The following PRR22 variants were observed in gnomAD, a reference collection of about 807,000 sequenced individuals.
PRR22 encodes proline rich 22.
A neutral mutation model predicts 7.2 loss-of-function variants in PRR22; 5 were observed. The observed-to-expected ratio is 0.69, with a 90% CI of 0.36 to 1.45. The LOEUF is 1.45. PRR22 is among the 40% of genes most tolerant of loss of function. The probability of loss-of-function intolerance (pLI) is 0.03; values close to 1 mark genes in which losing one functional copy is unlikely to be tolerated. For synonymous variants in PRR22, 319 were observed against 269.3 expected (o/e 1.18, Z -1.81); for missense variants, 619 against 568.8 (o/e 1.09, Z -0.90).
chr19:5,784,509 G>A, intron 1 of PRR22, 22 bp downstream of exon 1: 1 of 1,550,044 alleles, frequency 6.5e-7, no homozygotes, highest in Admixed American at 2.0e-5. Flanking sequence ...TCCAGCAGGT[G>A]CTCCCACCCA....
chr19:5,783,057 C>T lies in PRR22; in HGVS notation c.1190G>A (p.Arg397Lys), dbSNP rs2056807913. Residue 397 changes from arginine to lysine, a missense_variant, in exon 3 of 3, where the codon AGG becomes AAG. Physicochemically the swap from Arg to Lys is conservative, Grantham distance 26 (BLOSUM62 2). Coordinates refer to ENST00000419421, the MANE Select transcript of PRR22 (RefSeq NM_001134316.2). ...ASTAKKGKPG[R>K]KARQPAGPAS... Reference sequence around the variant, plus strand: ...TGGGCCTGCCGGCTGCCTGGCCTTCCTTCCCGGCTTTCCCTTCTTGGCCGT... The same window carrying T: ...TGGGCCTGCCGGCTGCCTGGCCTTCTTTCCCGGCTTTCCCTTCTTGGCCGT... 6.3e-7 allele frequency: 1 copy of T among 1,585,840 alleles called. No individual in the cohort carries two copies. Among genetic ancestry groups the T allele is most frequent in the Non-Finnish European group, 8.6e-7 (1 of 1,165,708 alleles).
At position 5,783,846 on chromosome 19, in the gene PRR22, T is replaced by C; in HGVS notation, c.401A>G (p.Gln134Arg). The change falls in exon 3 of 3, where the codon CAG becomes CGG. Residue 134 changes from glutamine to arginine, a missense_variant. Transcript: ENST00000419421. ...AAACTGGGGCCCCCCGGGTGCCTGC[T>C]GGTAGTGGGGGTATGGAGGCAGCCC... Reference protein sequence around the residue: ...APGLPPYPHYQQAPGGPQFLL... With the variant: ...APGLPPYPHYRQAPGGPQFLL... 2 of 1,552,306 alleles carry C rather than the reference T, an allele frequency of 1.3e-6. No individual in the cohort carries two copies. The highest frequency in any genetic ancestry group is 2.4e-5 in the South Asian group (2 of 85,026).
Position 5,783,030 on chromosome 19 carries a change from G to GCTGGGCCTGCCGGCTGC in PRR22, c.1200_1216dup (p.Ala406GlyfsTer?). 6.4e-7 allele frequency: 1 copy of GCTGGGCCTGCCGGCTGC among 1,562,256 alleles called. No homozygotes were observed. The highest frequency in any genetic ancestry group is 8.7e-7 in the Non-Finnish European group (1 of 1,155,668). On this transcript the variant is annotated frameshift_variant, in exon 3 of 3. Transcript: ENST00000419421. LOFTEE classifies it high-confidence loss of function. ...CCTGGGCCCCGGGGGAGTGGCGCTG[G>GCTGGGCCTGCCGGCTGC]CTGGGCCTGCCGGCTGCCTGGCCTT...
At position 5,783,937 on chromosome 19, in the gene PRR22, GC is replaced by G. The variant is rs750173586; in HGVS notation, c.309del (p.Pro104GlnfsTer73). On this transcript the variant is annotated frameshift_variant, in exon 3 of 3. Transcript: ENST00000419421. LOFTEE classifies it low-confidence loss of function (END_TRUNC). ...CCTGGGGCGGAGGGGACCCCCGCTG[GC>G]CCCCCGCTGCTTGCTGCCAGCTTAT... ...ALYKLAASSG[G>X]PAGVPSAPGS... is the part of the protein sequence containing the mutation. 3.2e-6 allele frequency: 5 copies of G among 1,585,812 alleles called. No individual in the cohort carries two copies. The African/African-American group carries it at 4.0e-5, about 13-fold the overall frequency.
Position 5,783,339 on chromosome 19 carries a change from T to C in PRR22, c.908A>G (p.Glu303Gly), listed in dbSNP as rs767850715. 7.4e-6 allele frequency: 12 copies of C among 1,612,642 alleles called. No homozygotes were observed. The Admixed American group carries it at 1.7e-4, about 22-fold the overall frequency. ...FDCLPGASEPEGTLCEVPGPA... is the reference protein window; with the variant it reads ...FDCLPGASEPGGTLCEVPGPA... ...CCCAGGGACCTCGCACAGGGTACCC[T>C]CAGGCTCAGAGGCGCCTGGCAGGCA... Residue 303 changes from glutamate to glycine, a missense_variant, in exon 3 of 3, where the codon GAG becomes GGG. By Grantham distance (98) the Glu-to-Gly change is moderately conservative. Transcript: ENST00000419421.
chr19:5,783,254 C>T lies in PRR22; in HGVS notation c.993G>A (p.Leu331=), dbSNP rs769424672. 6.2e-7 allele frequency: 1 copy of T among 1,612,844 alleles called. No individual in the cohort carries two copies. The highest frequency in any genetic ancestry group is 1.7e-5 in the Admixed American group (1 of 60,018). Residue 331 remains leucine (L), a synonymous_variant, in exon 3 of 3, where the codon CTG becomes CTA. Transcript: ENST00000419421. ...NSADDIRSLC[L]PEELLSFDYS... is the part of the protein sequence containing the mutation. Reference sequence around the variant, plus strand: ...AGTCAAAGGACAGCAGCTCCTCGGGCAGGCACAGCGAGCGGATGTCATCGG... The same window carrying T: ...AGTCAAAGGACAGCAGCTCCTCGGGTAGGCACAGCGAGCGGATGTCATCGG...
At position 5,783,932 on chromosome 19, in the gene PRR22, CG is replaced by C. The variant is rs2056816064; in HGVS notation, c.314del (p.Ala105GlyfsTer72). The C allele has an allele frequency of 6.3e-7, 1 of 1,582,266 alleles. No homozygotes were observed. The highest frequency in any genetic ancestry group is 8.6e-7 in the Non-Finnish European group (1 of 1,165,194). On this transcript the variant is annotated frameshift_variant, in exon 3 of 3. Coordinates refer to ENST00000419421, the MANE Select transcript of PRR22 (RefSeq NM_001134316.2). LOFTEE classifies it low-confidence loss of function (END_TRUNC). ...YKLAASSGGPAGVPSAPGSYL... is the reference protein window; with the variant it reads ...YKLAASSGGPXGVPSAPGSYL... ...AGCTGCCTGGGGCGGAGGGGACCCCCGCTGGCCCCCCGCTGCTTGCTGCCAG... is the reference window on the plus strand; with the variant it reads ...AGCTGCCTGGGGCGGAGGGGACCCCCCTGGCCCCCCGCTGCTTGCTGCCAG...
At chr19:5,784,153 TG>T (rs779295764) in intron 2 of PRR22, 100 bp from the exon 3 acceptor site, 5 of 1,232,534 alleles carry the variant, frequency 4.1e-6, no homozygotes, top group Non-Finnish European at 4.8e-6. Flanking sequence ...ACCTTGCCAT[TG>T]GGGGGCCCCT....
In PRR22 at chr19:5,784,045, T is replaced by C. The variant is rs1207399926; in HGVS notation, c.202A>G (p.Met68Val). The change falls in exon 3 of 3, where the codon ATG (methionine) becomes GTG (valine). Residue 68 changes from methionine (M) to valine (V), a missense_variant. By Grantham distance (21) the Met-to-Val change is conservative. Coordinates refer to ENST00000419421, the MANE Select transcript of PRR22 (RefSeq NM_001134316.2). ...VFPAPPAGFQ[M>V]APCGCFFDPR... ...TCGAAGAAGCACCCGCATGGGGCCA[T>C]CTGGAAACCTGTGGGCGGCAGGCGG... 1 of 1,611,772 alleles carries C rather than the reference T, an allele frequency of 6.2e-7. No individual in the cohort carries two copies. The highest frequency in any genetic ancestry group is 2.2e-5 in the East Asian group (1 of 44,858).
chr19:5,784,303 G>A (rs10410693), intron 2 of PRR22, 74 bp downstream of exon 2: 172,001 of 1,498,712 alleles, frequency 0.11, 10,925 homozygotes, highest in Middle Eastern at 0.2. Context: ...ACTTAGGGAC[G>A]GGGCAGGGGC....
chr19:5,783,194 G>A lies in PRR22; in HGVS notation c.1053C>T (p.Asn351=), dbSNP rs763437486. The A allele has an allele frequency of 1.1e-5, 17 of 1,612,664 alleles. No homozygotes were observed. Among genetic ancestry groups the A allele is most frequent in the African/African-American group, 5.3e-5 (4 of 74,928 alleles). Residue 351 remains asparagine (N), a synonymous_variant, in exon 3 of 3, where the codon AAC becomes AAT. Transcript: ENST00000419421. ...CCTTGAAGTTGAAGAAGTAGTCAACGTTGGACACGGTGTCCAGGATCTCAG... is the reference window on the plus strand; with the variant it reads ...CCTTGAAGTTGAAGAAGTAGTCAACATTGGACACGGTGTCCAGGATCTCAG... ...SVPEILDTVS[N]VDYFFNFKAL... is the part of the protein sequence containing the mutation.
rs1342107128 is a variant in PRR22, at chr19:5,783,600, C to T, written c.647G>A (p.Gly216Asp). The T allele has an allele frequency of 1.2e-6, 2 of 1,607,982 alleles. No individual in the cohort carries two copies. The highest frequency in any genetic ancestry group is 8.5e-7 in the Non-Finnish European group (1 of 1,178,370). Reference protein sequence around the residue: ...LPPDAYSHLQGHLGHFPGPEP... With the variant: ...LPPDAYSHLQDHLGHFPGPEP... The stretch of plus-strand genomic sequence containing the variant: ...GGGCCCAGGGAAGTGGCCGAGGTGA[C>T]CCTGGAGGTGGCTGTAGGCGTCTGG... The change falls in exon 3 of 3, where the codon GGT (glycine) becomes GAT (aspartate). Residue 216 changes from glycine to aspartate, a missense_variant. Physicochemically the swap from Gly to Asp is moderately conservative, Grantham distance 94. Transcript: ENST00000419421.
In PRR22 at chr19:5,783,724, G is replaced by C. The variant is rs1599613023; in HGVS notation, c.523C>G (p.Pro175Ala). 5 of 1,511,128 alleles carry C rather than the reference G, an allele frequency of 3.3e-6. No homozygotes were observed. In the East Asian group the frequency reaches 1.2e-4, roughly 35 times the overall value. 93.6% of individuals were successfully genotyped at this position (1,511,128 alleles called of 1,614,324 possible). Residue 175 changes from proline (P) to alanine (A), a missense_variant, in exon 3 of 3, where the codon CCC becomes GCC. Coordinates refer to ENST00000419421, the MANE Select transcript of PRR22 (RefSeq NM_001134316.2). ...AGCGGGGCCGGGCCTTCCTCTAGGG[G>C]CGGTAGGGGCAGCTCCACGAAGGCG... ...PAAFVELPLP[P>A]LEEGPAPLPP...
intron 2 of PRR22, 142 bp downstream of exon 2, chr19:5,784,235 G>A (rs2056819039): frequency 1.9e-6 from 2 of 1,079,656 alleles, no homozygotes; most frequent in Non-Finnish European, 1.4e-6. Flanking sequence ...TGTCTTTGGG[G>A]CTCATCTGGG....
Position 5,784,540 on chromosome 19 carries a change from G to T in PRR22, c.121C>A (p.Pro41Thr). 1 of 1,549,744 alleles carries T rather than the reference G, an allele frequency of 6.5e-7. No individual in the cohort carries two copies. The highest frequency in any genetic ancestry group is 1.4e-5 in the African/African-American group (1 of 73,178). The change falls in exon 1 of 3, where the codon CCC (proline) becomes ACC (threonine). Residue 41 changes from proline (P) to threonine (T), a missense_variant. Pro to Thr is a conservative substitution (Grantham distance 38). Coordinates refer to ENST00000419421, the MANE Select transcript of PRR22 (RefSeq NM_001134316.2). The part of the protein sequence containing the change: ...QPAPTCAEPP[P>T]AMGSLNLYHP... The stretch of plus-strand genomic sequence containing the variant: ...ACCCACCCGATCGTACCCATAGCGG[G>T]AGGAGGCTCGGCACAGGTGGGAGCA...
chr19:5,784,058 G>T lies in PRR22; in HGVS notation c.194-5C>A. On this transcript the variant is annotated splice_polypyrimidine_tract_variant and splice_region_variant and intron_variant, in intron 2 of 2. Transcript: ENST00000419421. ...CGCATGGGGCCATCTGGAAACCTGT[G>T]GGCGGCAGGCGGGTGCCCTGAGAGC... 1 of 1,611,682 alleles carries T rather than the reference G, an allele frequency of 6.2e-7. No homozygotes were observed. The highest frequency in any genetic ancestry group is 8.5e-7 in the Non-Finnish European group (1 of 1,179,280).
Position 5,783,588 on chromosome 19 carries a change from T to G in PRR22, c.659A>C (p.His220Pro). Residue 220 changes from histidine (H) to proline (P), a missense_variant, in exon 3 of 3, where the codon CAC (histidine) becomes CCC (proline). Physicochemically the swap from His to Pro is moderately conservative, Grantham distance 77 (BLOSUM62 -2). Transcript: ENST00000419421. ...AYSHLQGHLG[H>P]FPGPEPLAFP... ...GGCCAGGGGTTCGGGCCCAGGGAAG[T>G]GGCCGAGGTGACCCTGGAGGTGGCT... 1.9e-6 allele frequency: 3 copies of G among 1,599,748 alleles called. No homozygotes were observed. The highest frequency in any genetic ancestry group is 2.6e-6 in the Non-Finnish European group (3 of 1,175,596).
At chr19:5,784,099 G>A in intron 2 of PRR22, 46 bp from the exon 3 acceptor site, 7 of 1,563,120 alleles carry the variant, frequency 4.5e-6, no homozygotes, top group South Asian at 2.2e-5. Flanking sequence ...CTGCCTGAGG[G>A]GCCCAGCCCA....
At position 5,783,094 on chromosome 19, in the gene PRR22, T is replaced by C. The variant is rs779361431; in HGVS notation, c.1153A>G (p.Arg385Gly). ...NTPAPILSGKRKASTAKKGKP... is the reference protein window; with the variant it reads ...NTPAPILSGKGKASTAKKGKP... ...CCCTTCTTGGCCGTCGAGGCCTTTC[T>C]CTTGCCAGACAGAATGGGGGCCGGG... is the stretch of plus-strand genomic sequence containing the variant. Residue 385 changes from arginine (R) to glycine (G), a missense_variant, in exon 3 of 3, where the codon AGA (arginine) becomes GGA (glycine). By Grantham distance (125) the Arg-to-Gly change is moderately radical. Coordinates refer to ENST00000419421, the MANE Select transcript of PRR22 (RefSeq NM_001134316.2). 2 of 1,609,708 alleles carry C rather than the reference T, an allele frequency of 1.2e-6. No homozygotes were observed. Among genetic ancestry groups the C allele is most frequent in the Admixed American group, 3.3e-5 (2 of 59,810 alleles).
Sources: gnomAD v4.1 joint callset for allele counts on GRCh38, gnomAD v4.1.1 for gene constraint, MANE v1.5 for transcripts, NCBI Gene and HGNC (gene_info 2026-07-23, HGNC 2026-07-21) for gene names.